Variants in GALNT13 observed in about 807,000 individuals in gnomAD.
GALNT13 encodes UDP-GalNAc:polypeptide N-acetylgalactosaminyltransferase 13.
In GALNT13, 28 loss-of-function variants were observed where a neutral mutation model predicts 64.2. The ratio of observed to expected loss-of-function variants is 0.44; its 90% CI spans 0.32 to 0.60. GALNT13 has a LOEUF of 0.60. Ranked by LOEUF, GALNT13 falls within the 20% of genes least tolerant of loss-of-function variation. The pLI is 0.05. For synonymous variants in GALNT13, 214 were observed against 224.6 expected (o/e 0.95, Z 0.42); for missense variants, 577 against 669.8 (o/e 0.86, Z 1.53).
intron 8 of GALNT13, among the ~76,000 whole-genome samples, chr2:154,281,302 A>G (rs1488481877): frequency 6.6e-6 from 1 of 152,184 alleles, no homozygotes; most frequent in South Asian, 2.1e-4. Context: ...TGTTATATTC[A>G]TACATTTTAT....
chr2:153,798,348 A>C, the GALNT13 span, among the ~76,000 whole-genome samples: 1 of 152,186 alleles, frequency 6.6e-6, no homozygotes, highest in Non-Finnish European at 1.5e-5. Context: ...TGTATAATAT[A>C]GTTTGAGTAG....
At chr2:153,498,941 G>T in the GALNT13 span, among the ~76,000 whole-genome samples, 1 of 151,880 alleles carries the variant, frequency 6.6e-6, no homozygotes, top group South Asian at 2.1e-4. Context: ...TCCGCCTCCC[G>T]GGTTCACTCC....
chr2:153,179,270 C>G, the GALNT13 span, among the ~76,000 whole-genome samples: 2 of 152,084 alleles, frequency 1.3e-5, no homozygotes, highest in Non-Finnish European at 2.9e-5. Context: ...ATTGTTTACT[C>G]AACACTATTT....
the GALNT13 span, among the ~76,000 whole-genome samples, chr2:153,305,418 A>G: frequency 1.3e-5 from 2 of 152,288 alleles, no homozygotes; most frequent in East Asian, 1.9e-4. Context: ...ACACTGTGCT[A>G]TTGGAGGTGG....
At chr2:154,362,260 C>G (rs1697114208) in intron 9 of GALNT13, among the ~76,000 whole-genome samples, 1 of 148,606 alleles carries the variant, frequency 6.7e-6, no homozygotes, top group South Asian at 2.2e-4. Context: ...CCCCACCCCA[C>G]ATCAAGAAGT....
the GALNT13 span, among the ~76,000 whole-genome samples, chr2:153,717,033 A>G: frequency 6.6e-6 from 1 of 152,062 alleles, no homozygotes; most frequent in African/African-American, 2.4e-5. Context: ...CACTTCATCT[A>G]TAGCAGGAAG....
the GALNT13 span, among the ~76,000 whole-genome samples, chr2:153,591,928 C>G: frequency 1.5e-3 from 224 of 152,016 alleles, 1 homozygote; most frequent in Admixed American, 4.6e-3. Flanking sequence ...AAACTGTTCC[C>G]AAGATGAGGG....
chr2:153,261,989 A>G, the GALNT13 span, among the ~76,000 whole-genome samples: 2 of 152,166 alleles, frequency 1.3e-5, no homozygotes, highest in African/African-American at 4.8e-5. Flanking sequence ...GGACTGTACA[A>G]AAATGCCACC....
At chr2:154,375,499 C>T (rs1447341513) in intron 9 of GALNT13, among the ~76,000 whole-genome samples, 1 of 151,882 alleles carries the variant, frequency 6.6e-6, no homozygotes, top group African/African-American at 2.4e-5. Context: ...TTCCAAGGAA[C>T]GATAATGGAC....
the GALNT13 span, among the ~76,000 whole-genome samples, chr2:153,402,758 A>C: frequency 1.3e-5 from 2 of 151,956 alleles, no homozygotes; most frequent in East Asian, 1.9e-4. Context: ...GTAGTTCTCA[A>C]GCCTTGGTTT....
the GALNT13 span, among the ~76,000 whole-genome samples, chr2:153,713,305 G>T: frequency 6.6e-6 from 1 of 152,110 alleles, no homozygotes; most frequent in African/African-American, 2.4e-5. Context: ...ACTGGCTTGA[G>T]AGCCAGCAAA....
chr2:153,310,072 A>G, the GALNT13 span, among the ~76,000 whole-genome samples: 3 of 152,342 alleles, frequency 2.0e-5, no homozygotes, highest in East Asian at 5.8e-4. Flanking sequence ...TTTTTACTTT[A>G]AAAACCTATA....
chr2:153,850,041 T>C, the GALNT13 span, among the ~76,000 whole-genome samples: 2 of 144,992 alleles, frequency 1.4e-5, no homozygotes, highest in African/African-American at 5.1e-5. Context: ...TAGCCGGGCA[T>C]GGTGGCGGAC....
intron 3 of GALNT13, among the ~76,000 whole-genome samples, chr2:153,957,196 T>C (rs1692620453): frequency 6.6e-6 from 1 of 152,172 alleles, no homozygotes; most frequent in Non-Finnish European, 1.5e-5. Context: ...ACAACTGGAT[T>C]CAAGTTATTT....
chr2:153,554,700 A>T, the GALNT13 span, among the ~76,000 whole-genome samples: 1 of 147,240 alleles, frequency 6.8e-6, no homozygotes. Flanking sequence ...ACGCGCACAT[A>T]AGTGTGCCAC....
chr2:154,311,047 T>C (rs1694008953), intron 9 of GALNT13, among the ~76,000 whole-genome samples: 1 of 148,706 alleles, frequency 6.7e-6, no homozygotes, highest in Non-Finnish European at 1.5e-5. Flanking sequence ...TCAATGGATA[T>C]GTAGATTTAT....
the GALNT13 span, among the ~76,000 whole-genome samples, chr2:153,202,034 G>C: frequency 7.0e-6 from 1 of 143,806 alleles, no homozygotes; most frequent in South Asian, 2.2e-4. Context: ...CCGGACTGCG[G>C]ACTGCAGTGG....
intron 3 of GALNT13, among the ~76,000 whole-genome samples, chr2:153,982,025 C>T (rs998656526): frequency 2.0e-5 from 3 of 151,870 alleles, no homozygotes; most frequent in East Asian, 1.9e-4. Flanking sequence ...CAAAGAATGC[C>T]CCTCTGCTAG....
chr2:154,147,420 T>C (rs1482433893), intron 4 of GALNT13, among the ~76,000 whole-genome samples: 1 of 150,036 alleles, frequency 6.7e-6, no homozygotes, highest in Non-Finnish European at 1.5e-5. Context: ...TATGTGGCAG[T>C]GTGAATTTAG....
Sources: gnomAD v4.1 joint callset for allele counts (sites outside exome capture counted in the v4.1 genomes callset) on GRCh38, gnomAD v4.1.1 for gene constraint, MANE v1.5 for transcripts, NCBI Gene and HGNC (gene_info 2026-07-23, HGNC 2026-07-21) for gene names.